CEP112: variants seen among roughly 807,000 people sequenced by gnomAD.
CEP112 encodes the protein centrosomal protein 112.
CEP112 carries 127 observed loss-of-function variants against 153.0 expected under a neutral mutation model. The ratio of observed to expected loss-of-function variants is 0.83; its 90% CI spans 0.72 to 0.96. The LOEUF is 0.96. Ranked by LOEUF, CEP112 falls within the 40% of genes least tolerant of loss-of-function variation. CEP112 has a pLI of 0.00. For missense variants in CEP112, 1,089 were observed against 1,101.2 expected (o/e 0.99, Z 0.16); for synonymous variants, 358 against 374.4 (o/e 0.96, Z 0.51).
chr17:66,078,434 T>C (rs906743946), intron 8 of CEP112, among the ~76,000 whole-genome samples: 2 of 152,012 alleles, frequency 1.3e-5, no homozygotes, highest in Non-Finnish European at 2.9e-5. Flanking sequence ...ATTTTTGTAT[T>C]TTTAGTAGAG....
At chr17:65,750,539 A>C in intron 22 of CEP112, 123 bp downstream of exon 22, 2 of 724,540 alleles carry the variant, frequency 2.8e-6, no homozygotes, top group Non-Finnish European at 4.8e-6. Flanking sequence ...TAAAAATATG[A>C]TACCATTCCA....
chr17:65,997,314 G>A (rs1199859434), intron 17 of CEP112, among the ~76,000 whole-genome samples: 5 of 152,134 alleles, frequency 3.3e-5, no homozygotes, highest in Non-Finnish European at 7.3e-5. Flanking sequence ...CTGTGGTAGG[G>A]TGTCCTTTCA....
At chr17:65,681,293 T>C (rs1055746056) in intron 24 of CEP112, among the ~76,000 whole-genome samples, 2 of 152,076 alleles carry the variant, frequency 1.3e-5, no homozygotes, top group Admixed American at 1.3e-4. Flanking sequence ...TCCTTTTCAA[T>C]CCTCTTTGCA....
chr17:65,923,697 CA>C (rs1452556524), intron 19 of CEP112, among the ~76,000 whole-genome samples: 1 of 152,084 alleles, frequency 6.6e-6, no homozygotes, highest in East Asian at 1.9e-4. Context: ...TTAGAGCATA[CA>C]ATGAAAGTCT....
At chr17:65,742,041 G>A (rs1237143446) in intron 23 of CEP112, among the ~76,000 whole-genome samples, 2 of 151,046 alleles carry the variant, frequency 1.3e-5, no homozygotes, top group Non-Finnish European at 2.9e-5. Context: ...TGAAGAGGCC[G>A]GATGTAATGG....
intron 20 of CEP112, among the ~76,000 whole-genome samples, chr17:65,901,564 A>ATGGCTTCCAACAGGGACTACAGAGATG (rs1431267533): frequency 6.6e-6 from 1 of 152,134 alleles, no homozygotes; most frequent in African/African-American, 2.4e-5. Context: ...ATTCTGCCAA[A>ATGGCTTCCAACAGGGACTACAGAGATG]TGGCTTCCAA....
intron 19 of CEP112, among the ~76,000 whole-genome samples, chr17:65,922,775 C>T (rs984630243): frequency 2.6e-5 from 4 of 152,072 alleles, no homozygotes; most frequent in African/African-American, 7.2e-5. Flanking sequence ...TTTCTTAGTG[C>T]TTCTAATATT....
At chr17:66,187,589 T>A (rs11871256) in intron 1 of CEP112, among the ~76,000 whole-genome samples, 4,537 of 152,262 alleles carry the variant, frequency 0.03, 106 homozygotes, top group Middle Eastern at 0.054. Flanking sequence ...TCCTTCTCGG[T>A]CTCTCAATGG....
chr17:66,071,566 C>A (rs1405560208), intron 8 of CEP112, among the ~76,000 whole-genome samples: 5 of 151,988 alleles, frequency 3.3e-5, no homozygotes, highest in Admixed American at 2.0e-4. Context: ...CTACCATAAC[C>A]CCAACCCAAC....
At chr17:65,651,248 G>T (rs73351258) in intron 24 of CEP112, among the ~76,000 whole-genome samples, 21,560 of 152,038 alleles carry the variant, frequency 0.14, 1,890 homozygotes, top group East Asian at 0.46. Context: ...TCCATTCAGG[G>T]TGCTGTGAAT....
intron 12 of CEP112, among the ~76,000 whole-genome samples, chr17:66,047,554 A>G (rs976943583): frequency 1.3e-5 from 2 of 152,192 alleles, no homozygotes; most frequent in Admixed American, 6.5e-5. Flanking sequence ...TAAAGTTTCA[A>G]TAGTGAGCTT....
At chr17:65,893,574 C>G (rs1311701083) in intron 20 of CEP112, among the ~76,000 whole-genome samples, 2 of 152,132 alleles carry the variant, frequency 1.3e-5, no homozygotes, top group Non-Finnish European at 2.9e-5. Context: ...AACATTATCT[C>G]AAGTTGCACA....
intron 18 of CEP112, among the ~76,000 whole-genome samples, chr17:65,956,013 T>G (rs554438724): frequency 1.2e-4 from 18 of 152,268 alleles, no homozygotes; most frequent in African/African-American, 3.6e-4. Flanking sequence ...AACAGATATT[T>G]ACAGAACATT....
intron 23 of CEP112, among the ~76,000 whole-genome samples, chr17:65,713,804 G>C (rs895382791): frequency 2.6e-5 from 4 of 152,054 alleles, no homozygotes; most frequent in Non-Finnish European, 5.9e-5. Flanking sequence ...TAGCCAGGAT[G>C]GTCTCGATCT....
intron 23 of CEP112, among the ~76,000 whole-genome samples, chr17:65,730,172 A>T (rs1401911637): frequency 2.0e-5 from 3 of 152,224 alleles, no homozygotes; most frequent in Non-Finnish European, 4.4e-5. Flanking sequence ...GATTTTGTCC[A>T]CTGAACAAAG....
At chr17:66,026,057 A>T (rs968474291) in intron 16 of CEP112, among the ~76,000 whole-genome samples, 6 of 151,982 alleles carry the variant, frequency 3.9e-5, no homozygotes, top group Admixed American at 3.9e-4. Context: ...CTTATTTATA[A>T]GTGGAAGCTA....
intron 18 of CEP112, among the ~76,000 whole-genome samples, chr17:65,960,041 C>A (rs1370719774): frequency 6.6e-6 from 1 of 152,178 alleles, no homozygotes; most frequent in African/African-American, 2.4e-5. Flanking sequence ...CAGTCAGATT[C>A]AAACATGAAA....
chr17:65,969,644 A>G (rs1310791590), intron 17 of CEP112, among the ~76,000 whole-genome samples: 1 of 152,232 alleles, frequency 6.6e-6, no homozygotes, highest in East Asian at 1.9e-4. Context: ...TATTGCAAGC[A>G]TATATGACAT....
intron 20 of CEP112, among the ~76,000 whole-genome samples, chr17:65,888,677 C>T (rs1171523836): frequency 6.6e-6 from 1 of 152,140 alleles, no homozygotes; most frequent in African/African-American, 2.4e-5. Flanking sequence ...AAGCAAGAGA[C>T]AGAATGTTAC....
Sources: gnomAD v4.1 joint callset for allele counts (sites outside exome capture counted in the v4.1 genomes callset) on GRCh38, gnomAD v4.1.1 for gene constraint, MANE v1.5 for transcripts, NCBI Gene and HGNC (gene_info 2026-07-23, HGNC 2026-07-21) for gene names.